Variants in SH3KBP1 observed in about 807,000 individuals in gnomAD.
The protein encoded by SH3KBP1 is SH3 domain-containing kinase-binding protein 1.
Under a neutral mutation model 50.1 loss-of-function variants are expected in SH3KBP1, and 8 were observed. That is an observed-to-expected ratio of 0.16 (90% CI 0.09 to 0.29). The LOEUF (loss-of-function observed/expected upper bound fraction) is 0.29. Among genes scored for constraint, SH3KBP1 ranks in the 10% least tolerant of loss-of-function variants. The pLI, the probability that SH3KBP1 is intolerant of heterozygous loss-of-function variation, is 1.00. For missense variants in SH3KBP1, 377 were observed against 535.2 expected (o/e 0.70, Z 2.92); for synonymous variants, 227 against 218.6 (o/e 1.04, Z -0.34).
intron 16 of SH3KBP1, among the ~76,000 whole-genome samples, chrX:19,540,975 C>T (rs2064871190): frequency 9.1e-6 from 1 of 109,944 alleles, no homozygotes; most frequent in African/African-American, 3.3e-5. Flanking sequence ...AGTGCAGTGG[C>T]ACAATCTTGG....
intron 1 of SH3KBP1, among the ~76,000 whole-genome samples, chrX:19,845,992 G>C (rs1326229718): frequency 8.9e-6 from 1 of 111,897 alleles, no homozygotes; most frequent in Non-Finnish European, 1.9e-5. Flanking sequence ...TGGAATCTCA[G>C]AAAAACACAT....
chrX:19,534,945 C>CT lies in SH3KBP1; in HGVS notation c.*1471dup, dbSNP rs2064670696. On this transcript the variant is annotated 3_prime_UTR_variant, in exon 18 of 18. Transcript: ENST00000397821. ...TGCATCACTTCTTCGGTATTATCAA[C>CT]TCTCATTCTTTGTGGCTGTGCAAAT... 1 of 297,796 alleles carries CT rather than the reference C, an allele frequency of 3.4e-6. No homozygotes were observed. Among genetic ancestry groups the CT allele is most frequent in the East Asian group, 4.7e-5 (1 of 21,096 alleles). The allele number at this position is 297,796 out of a possible 1,213,427, so 24.5% of individuals were successfully genotyped here.
chrX:19,689,725 A>C lies in SH3KBP1; in HGVS notation c.521-5697T>G, dbSNP rs750807503. ...TTAAATATTAGTACTTGAAGGCAGC[A>C]AACACTATAAAAGGGAAGAGTTTTA... On this transcript the variant is annotated intron_variant, in intron 5 of 17. Transcript: ENST00000397821. Among the ~76,000 whole-genome samples, 37 of 112,373 alleles carry C rather than the reference A, an allele frequency of 3.3e-4. No individual in the cohort carries two copies. In the South Asian group the frequency reaches 0.012, roughly 38 times the overall value.
At chrX:19,723,066 T>C (rs1280565639) in intron 3 of SH3KBP1, among the ~76,000 whole-genome samples, 34 of 106,322 alleles carry the variant, frequency 3.2e-4, no homozygotes, top group African/African-American at 1.2e-3. Flanking sequence ...TTACCTGAGC[T>C]TGGGAAGTTG....
At chrX:19,643,996 A>G (rs2061931783) in intron 7 of SH3KBP1, among the ~76,000 whole-genome samples, 1 of 111,721 alleles carries the variant, frequency 9.0e-6, no homozygotes. Flanking sequence ...ATCCCCCACC[A>G]TGCTGTTCCT....
At position 19,541,987 on chromosome X, in the gene SH3KBP1, C is replaced by T. The variant is rs61740276; in HGVS notation, c.1830G>A (p.Glu610=). The part of the protein sequence containing the change: ...EPAASSQAAV[E]ELRTQVRELR... Reference sequence around the variant, plus strand: ...GCTCGCGGACCTGTGTCCTTAGCTCCTCCACGGCCGCCTGGCTGCTGGCCG... The same window carrying T: ...GCTCGCGGACCTGTGTCCTTAGCTCTTCCACGGCCGCCTGGCTGCTGGCCG... The change falls in exon 16 of 18, where the codon GAG becomes GAA. Residue 610 remains glutamate, a synonymous_variant. Coordinates refer to ENST00000397821, the MANE Select transcript of SH3KBP1 (RefSeq NM_031892.3). 206 of 1,210,283 alleles carry T rather than the reference C, an allele frequency of 1.7e-4. No homozygotes were observed. In the African/African-American group the frequency reaches 3.3e-3, roughly 20 times the overall value.
At chrX:19,654,656 G>A (rs1043419409) in intron 6 of SH3KBP1, among the ~76,000 whole-genome samples, 2 of 112,121 alleles carry the variant, frequency 1.8e-5, no homozygotes, top group Non-Finnish European at 3.8e-5. Context: ...GCTATTTTCT[G>A]TTGTTATGAC....
chrX:19,749,149 G>A (rs910874652), intron 2 of SH3KBP1, among the ~76,000 whole-genome samples: 3 of 112,458 alleles, frequency 2.7e-5, no homozygotes, highest in Non-Finnish European at 3.8e-5. Flanking sequence ...AAGTGTTGAT[G>A]AGGATGTGGA....
chrX:19,812,456 C>A (rs909588153), intron 2 of SH3KBP1, among the ~76,000 whole-genome samples: 2 of 110,878 alleles, frequency 1.8e-5, no homozygotes, highest in Non-Finnish European at 3.8e-5. Flanking sequence ...TATTTCATAT[C>A]CCTTTGTGAG....
At chrX:19,838,857 A>G (rs1318779444) in intron 1 of SH3KBP1, among the ~76,000 whole-genome samples, 1 of 101,691 alleles carries the variant, frequency 9.8e-6, no homozygotes, top group Non-Finnish European at 2.0e-5. Flanking sequence ...GCTGTACTCC[A>G]GCCTGGGGAA....
chrX:19,706,829 T>G (rs1459136994), intron 4 of SH3KBP1, 52 bp downstream of exon 4: 1 of 986,296 alleles, frequency 1.0e-6, no homozygotes, highest in African/African-American at 1.9e-5. Flanking sequence ...GGGTAAGCAG[T>G]GACTATGACA....
chrX:19,564,655 G>A (rs1231882901), intron 13 of SH3KBP1, among the ~76,000 whole-genome samples: 2 of 108,509 alleles, frequency 1.8e-5, no homozygotes, highest in African/African-American at 6.8e-5. Flanking sequence ...TTACTTTTTT[G>A]TATATGAAAT....
chrX:19,573,550 G>T (rs1190895077), intron 12 of SH3KBP1, among the ~76,000 whole-genome samples: 1 of 112,080 alleles, frequency 8.9e-6, no homozygotes, highest in Non-Finnish European at 1.9e-5. Context: ...GCCTCCCAAA[G>T]TGCTAGGATT....
chrX:19,549,359 T>C (rs1332807929), intron 14 of SH3KBP1, among the ~76,000 whole-genome samples: 1 of 112,078 alleles, frequency 8.9e-6, no homozygotes, highest in East Asian at 2.8e-4. Flanking sequence ...TAGTTCAAAT[T>C]TGGTACAATA....
chrX:19,791,570 A>C (rs1278807586), intron 2 of SH3KBP1, among the ~76,000 whole-genome samples: 3 of 110,375 alleles, frequency 2.7e-5, no homozygotes, highest in Admixed American at 9.6e-5. Context: ...GAGGGGAGTA[A>C]AGTAGGAAAC....
intron 6 of SH3KBP1, among the ~76,000 whole-genome samples, chrX:19,681,541 T>C (rs777771155): frequency 7.1e-5 from 8 of 112,390 alleles, no homozygotes; most frequent in African/African-American, 2.6e-4. Flanking sequence ...TGTTAGAAGA[T>C]GGTATGTGCC....
chrX:19,730,813 A>C (rs1040625458), intron 3 of SH3KBP1, among the ~76,000 whole-genome samples: 5 of 112,472 alleles, frequency 4.4e-5, no homozygotes, highest in African/African-American at 1.6e-4. Context: ...AGAGAAGGAA[A>C]AGCCCAGAAA....
rs397800260 is a variant in SH3KBP1 at position 19,551,550 on chromosome X, C to CTTTTTTTTTTTTTTTTTTTTTTTTT, written c.1385-1468_1385-1467insAAAAAAAAAAAAAAAAAAAAAAAAA. Among the ~76,000 whole-genome samples the CTTTTTTTTTTTTTTTTTTTTTTTTT allele has an allele frequency of 6.1e-4, 58 of 95,132 alleles. 2 individuals are homozygous for CTTTTTTTTTTTTTTTTTTTTTTTTT. Among genetic ancestry groups the CTTTTTTTTTTTTTTTTTTTTTTTTT allele is most frequent in the African/African-American group, 2.4e-3 (56 of 23,218 alleles). The allele number at this position is 95,132 out of a possible 115,157, so 82.6% of individuals were successfully genotyped here. A position where few individuals can be genotyped will look rare whatever the true frequency, so the allele number is the denominator to read the frequency against. ...CTTTCTTTTCTTTCCCTCCCTCCCT[C>CTTTTTTTTTTTTTTTTTTTTTTTTT]TTTTTTTTTTTTTTGACAGGGTCTT... On this transcript the variant is annotated intron_variant, in intron 13 of 17. Transcript: ENST00000397821.
chrX:19,659,070 G>A (rs750616684), intron 6 of SH3KBP1, among the ~76,000 whole-genome samples: 1 of 104,328 alleles, frequency 9.6e-6, no homozygotes, highest in East Asian at 3.0e-4. Flanking sequence ...AGCCTCTCAA[G>A]TAGCTGAGAC....
Sources: allele counts gnomAD v4.1 joint callset (sites outside exome capture counted in the v4.1 genomes callset), GRCh38; gene constraint gnomAD v4.1.1; transcripts MANE v1.5; gene names NCBI Gene and HGNC (gene_info 2026-07-23, HGNC 2026-07-21).